Variants in USP15 observed in about 807,000 individuals in gnomAD.
USP15 encodes the protein ubiquitin carboxyl-terminal hydrolase 15.
USP15 carries 18 observed loss-of-function variants against 127.1 expected under a neutral mutation model. The ratio of observed to expected loss-of-function variants is 0.14; its 90% CI spans 0.10 to 0.21. The LOEUF (loss-of-function observed/expected upper bound fraction) is 0.21. USP15 is among the 10% of genes least tolerant of loss of function. The pLI is 1.00. For synonymous variants in USP15, 364 were observed against 393.7 expected (o/e 0.92, Z 0.89); for missense variants, 805 against 1,159.9 (o/e 0.69, Z 4.44).
intron 4 of USP15, among the ~76,000 whole-genome samples, chr12:62,318,088 G>A (rs2064881662): frequency 6.6e-6 from 1 of 152,038 alleles, no homozygotes; most frequent in Non-Finnish European, 1.5e-5. Flanking sequence ...TTAATATGTG[G>A]AAAAATAAGC....
At chr12:62,269,169 G>T (rs566332394) in intron 1 of USP15, among the ~76,000 whole-genome samples, 1 of 151,926 alleles carries the variant, frequency 6.6e-6, no homozygotes, top group African/African-American at 2.4e-5. Flanking sequence ...CAATTTTGTC[G>T]TTGTGTGAAC....
chr12:62,326,828 T>C (rs969458534), intron 6 of USP15, among the ~76,000 whole-genome samples: 3 of 152,220 alleles, frequency 2.0e-5, no homozygotes, highest in African/African-American at 7.2e-5. Context: ...TGCTACTTTA[T>C]TTGATTTAAA....
At position 62,302,803 on chromosome 12, in the gene USP15, G is replaced by A. The variant is rs1196926326; in HGVS notation, c.231G>A (p.Gln77=). 2 of 1,608,078 alleles carry A rather than the reference G, an allele frequency of 1.2e-6. No homozygotes were observed. The highest frequency in any genetic ancestry group is 1.7e-6 in the Non-Finnish European group (2 of 1,176,430). ...NSGLLKDGDA[Q]SLKEHLIDEL... Reference sequence around the variant, plus strand: ...TTTCTTTTGCAGATGGTGATGCCCAGTCACTTAAGGAACACCTTATTGATG... The same window carrying A: ...TTTCTTTTGCAGATGGTGATGCCCAATCACTTAAGGAACACCTTATTGATG... Residue 77 remains glutamine, a synonymous_variant, in exon 3 of 22, where the codon CAG becomes CAA. Transcript: ENST00000280377.
intron 6 of USP15, among the ~76,000 whole-genome samples, chr12:62,332,070 C>T (rs1592605493): frequency 2.6e-5 from 4 of 151,424 alleles, no homozygotes; most frequent in South Asian, 2.1e-4. Context: ...AGGCTGAGGC[C>T]GGAGAATCAC....
At chr12:62,304,991 T>A (rs2064436575) in intron 3 of USP15, 1 of 200,174 alleles carries the variant, frequency 5.0e-6, no homozygotes, top group Non-Finnish European at 1.0e-5. Context: ...AACTAAATGA[T>A]TTGTCAATAG....
At chr12:62,273,366 C>G (rs1276589114) in intron 1 of USP15, among the ~76,000 whole-genome samples, 1 of 152,046 alleles carries the variant, frequency 6.6e-6, no homozygotes, top group Non-Finnish European at 1.5e-5. Context: ...CTCTCCTCCA[C>G]TGGACTCTTG....
At chr12:62,300,493 C>G (rs370246281) in intron 2 of USP15, among the ~76,000 whole-genome samples, 3 of 152,004 alleles carry the variant, frequency 2.0e-5, no homozygotes, top group African/African-American at 7.2e-5. Context: ...TAGAAGTTAA[C>G]ACTATTTGAT....
Position 62,293,211 on chromosome 12 carries a change from G to A in USP15, c.90-968G>A, listed in dbSNP as rs181002271. On this transcript the variant is annotated intron_variant, in intron 1 of 21. Transcript: ENST00000280377. The stretch of plus-strand genomic sequence containing the variant: ...CCAAACACTCTCGCTTACCCTTTCC[G>A]TGCAACACCAAGTCCCTTGGGGCTC... 4.6e-5 allele frequency among the ~76,000 whole-genome samples: 7 copies of A among 152,188 alleles called. No homozygotes were observed. The East Asian group carries it at 5.8e-4, about 13-fold the overall frequency.
chr12:62,355,096 T>G, intron 7 of USP15: 1 of 304,730 alleles, frequency 3.3e-6, no homozygotes, highest in Non-Finnish European at 6.0e-6. Context: ...TAATAGTGCT[T>G]TGTATTGGTT....
chr12:62,267,098 C>G (rs1030866866), intron 1 of USP15: 1 of 152,068 alleles, frequency 6.6e-6, no homozygotes, highest in African/African-American at 2.4e-5. Flanking sequence ...TAGAATTTTT[C>G]AACAATTACT....
At chr12:62,352,167 A>G (rs927136699) in intron 7 of USP15, among the ~76,000 whole-genome samples, 1 of 151,848 alleles carries the variant, frequency 6.6e-6, no homozygotes, top group Non-Finnish European at 1.5e-5. Context: ...ACACTGATAC[A>G]TTTCTAAGAT....
intron 8 of USP15, among the ~76,000 whole-genome samples, chr12:62,361,496 T>C (rs1471335017): frequency 1.3e-5 from 2 of 152,058 alleles, no homozygotes; most frequent in Non-Finnish European, 2.9e-5. Flanking sequence ...TTTACTATCC[T>C]GGCTAGGAAA....
intron 1 of USP15, among the ~76,000 whole-genome samples, chr12:62,275,097 G>A: frequency 6.6e-6 from 1 of 151,976 alleles, no homozygotes; most frequent in East Asian, 1.9e-4. Flanking sequence ...TTTGTGGCTT[G>A]GGAAATTAAA....
At position 62,283,490 on chromosome 12, in the gene USP15, G is replaced by A. The variant is rs769127566; in HGVS notation, c.90-10689G>A. On this transcript the variant is annotated intron_variant, in intron 1 of 21. Transcript: ENST00000280377. ...TTAGGAGCCCTAGCCAAGAAAAATA[G>A]GCAATAGACAAGAACAATAGGAATA... Among the ~76,000 whole-genome samples the A allele has an allele frequency of 2.0e-5, 3 of 152,062 alleles. No homozygotes were observed. The South Asian group carries it at 6.2e-4, about 31-fold the overall frequency.
intron 2 of USP15, among the ~76,000 whole-genome samples, chr12:62,299,901 A>G (rs997341507): frequency 3.9e-5 from 6 of 152,112 alleles, no homozygotes; most frequent in African/African-American, 1.4e-4. Flanking sequence ...TTTGACGTGC[A>G]TTTCCCTAGT....
At chr12:62,342,928 GT>G (rs2065691216) in intron 6 of USP15, among the ~76,000 whole-genome samples, 1 of 152,222 alleles carries the variant, frequency 6.6e-6, no homozygotes, top group Admixed American at 6.5e-5. Context: ...CTGGTACGCT[GT>G]GCTGGGAGAA....
chr12:62,293,936 C>T (rs190050615), intron 1 of USP15, among the ~76,000 whole-genome samples: 29 of 152,074 alleles, frequency 1.9e-4, no homozygotes, highest in East Asian at 1.5e-3. Flanking sequence ...TTCTTGAATA[C>T]GTATATTTGT....
intron 1 of USP15, among the ~76,000 whole-genome samples, chr12:62,261,823 C>G (rs899584930): frequency 1.3e-5 from 2 of 152,080 alleles, no homozygotes; most frequent in Admixed American, 6.5e-5. Context: ...TGATCTAAGT[C>G]TTAGTCTCTT....
chr12:62,395,513 CTTAG>C (rs765972402), intron 19 of USP15, among the ~76,000 whole-genome samples: 9 of 151,674 alleles, frequency 5.9e-5, no homozygotes, highest in Non-Finnish European at 1.3e-4. Context: ...CAGTCACACT[CTTAG>C]TTATTTTTAA....
Sources: gnomAD v4.1 joint callset for allele counts (sites outside exome capture counted in the v4.1 genomes callset) on GRCh38, gnomAD v4.1.1 for gene constraint, MANE v1.5 for transcripts, NCBI Gene and HGNC (gene_info 2026-07-23, HGNC 2026-07-21) for gene names.